TIMD4: variants seen among roughly 807,000 people sequenced by gnomAD.
TIMD4 encodes T cell immunoglobulin and mucin domain containing 4, also known as T-cell immunoglobulin and mucin domain-containing protein 4.
Under a neutral mutation model 41.2 loss-of-function variants are expected in TIMD4, and 31 were observed. That is an observed-to-expected ratio of 0.75 (90% CI 0.57 to 1.01). The LOEUF is 1.01. Ranked by LOEUF, TIMD4 falls within the 50% of genes least tolerant of loss-of-function variation. The probability of loss-of-function intolerance (pLI) is 0.00; values close to 1 mark genes in which losing one functional copy is unlikely to be tolerated. For synonymous variants in TIMD4, 204 were observed against 177.1 expected (o/e 1.15, Z -1.21); for missense variants, 479 against 472.5 (o/e 1.01, Z -0.13).
intron 7 of TIMD4, among the ~76,000 whole-genome samples, chr5:156,921,616 C>CCAAA (rs1561542964): frequency 2.1e-5 from 1 of 47,250 alleles, no homozygotes; most frequent in Non-Finnish European, 4.0e-5. Context: ...GAGACTCTCT[C>CCAAA]AAAAAAAAAA....
rs1295795830 is a variant in TIMD4 at position 156,948,427 on chromosome 5, G to A, written c.833C>T (p.Pro278Leu). The A allele has an allele frequency of 6.7e-7, 1 of 1,493,710 alleles. No individual in the cohort carries two copies. Among genetic ancestry groups the A allele is most frequent in the Admixed American group, 2.0e-5 (1 of 50,316 alleles). The allele number at this position is 1,493,710 out of a possible 1,614,324, so 92.5% of individuals were successfully genotyped here. The change falls in exon 5 of 9, where the codon CCT becomes CTT. Residue 278 changes from proline (P) to leucine (L), a missense_variant. Coordinates refer to ENST00000274532, the MANE Select transcript of TIMD4 (RefSeq NM_138379.3). ...CACAGCCCCCCTACCTCCAGGCTGA[G>A]GAGAAGACACAGAATCACTCGTTTT... Reference protein sequence around the residue: ...MWKTSDSVSSPQPGASDTAVP... With the variant: ...MWKTSDSVSSLQPGASDTAVP...
chr5:156,919,767 A>G (rs181953334), intron 8 of TIMD4, among the ~76,000 whole-genome samples: 1 of 152,258 alleles, frequency 6.6e-6, no homozygotes, highest in East Asian at 1.9e-4. Flanking sequence ...CAAAATATAA[A>G]ATCATGATTT....
At chr5:156,925,127 A>T (rs1026067499) in intron 6 of TIMD4, among the ~76,000 whole-genome samples, 1 of 152,152 alleles carries the variant, frequency 6.6e-6, no homozygotes, top group Non-Finnish European at 1.5e-5. Flanking sequence ...TGGCCAACAT[A>T]ATGAAACCAC....
At chr5:156,943,637 G>A (rs1759685771) in intron 5 of TIMD4, among the ~76,000 whole-genome samples, 1 of 152,148 alleles carries the variant, frequency 6.6e-6, no homozygotes, top group African/African-American at 2.4e-5. Flanking sequence ...ATTTTATTTA[G>A]GAAATGGCAT....
intron 1 of TIMD4, among the ~76,000 whole-genome samples, chr5:156,956,489 C>A (rs181082784): frequency 8.5e-5 from 13 of 152,292 alleles, no homozygotes; most frequent in Admixed American, 7.8e-4. Context: ...TTGCCCAAAC[C>A]TGAGCCTGAA....
intron 5 of TIMD4, among the ~76,000 whole-genome samples, chr5:156,942,977 A>G (rs1759673710): frequency 6.6e-6 from 1 of 152,256 alleles, no homozygotes; most frequent in South Asian, 2.1e-4. Context: ...TTATTCTAAT[A>G]CTGAGAATTA....
Position 156,949,653 on chromosome 5 carries a change from T to G in TIMD4, c.758A>C (p.Lys253Thr), listed in dbSNP as rs1169631976. The change falls in exon 4 of 9, where the codon AAA becomes ACA. Residue 253 changes from lysine to threonine, a missense_variant and splice_region_variant. Physicochemically the swap from Lys to Thr is moderately conservative, Grantham distance 78 (BLOSUM62 -1). Coordinates refer to ENST00000274532, the MANE Select transcript of TIMD4 (RefSeq NM_138379.3). ...AGAGAGAGTGAGTGTCTGCACACCT[T>G]TGGATGTCAGCAGGACAGTGTCAGC... ...TSADTVLLTS[K>T]ESKVWDLPST... is the part of the protein sequence containing the mutation. The G allele has an allele frequency of 5.0e-6, 8 of 1,610,482 alleles. No individual in the cohort carries two copies. The highest frequency in any genetic ancestry group is 6.8e-6 in the Non-Finnish European group (8 of 1,176,964).
intron 6 of TIMD4, chr5:156,924,157 C>A: frequency 2.4e-6 from 1 of 420,892 alleles, no homozygotes; most frequent in East Asian, 6.1e-5. Context: ...GGCTGACCAG[C>A]CTGAGCCTAC....
At chr5:156,945,197 G>C (rs1759718374) in intron 5 of TIMD4, among the ~76,000 whole-genome samples, 1 of 152,200 alleles carries the variant, frequency 6.6e-6, no homozygotes, top group Non-Finnish European at 1.5e-5. Context: ...GAGTGGCACG[G>C]TGTTAGAGTG....
At chr5:156,958,393 C>A (rs1760020585) in intron 1 of TIMD4, among the ~76,000 whole-genome samples, 1 of 142,752 alleles carries the variant, frequency 7.0e-6, no homozygotes, top group African/African-American at 2.6e-5. Context: ...GGAAAGGATC[C>A]AATAGAGAAA....
intron 6 of TIMD4, chr5:156,924,151 G>A: frequency 7.5e-6 from 3 of 400,176 alleles, no homozygotes; most frequent in Non-Finnish European, 9.6e-6. Context: ...CCATGGGGCT[G>A]ACCAGCCTGA....
intron 7 of TIMD4, among the ~76,000 whole-genome samples, chr5:156,921,616 C>CAAAAAAAAAAAAAAAAAAAAAAAAA (rs66842169): frequency 4.2e-5 from 2 of 47,270 alleles, no homozygotes; most frequent in African/African-American, 7.2e-5. Context: ...GAGACTCTCT[C>CAAAAAAAAAAAAAAAAAAAAAAAAA]AAAAAAAAAA....
chr5:156,948,101 G>A (rs750642823), intron 5 of TIMD4, among the ~76,000 whole-genome samples: 30 of 152,094 alleles, frequency 2.0e-4, no homozygotes, highest in East Asian at 3.8e-4. Flanking sequence ...TCCAGCTGGC[G>A]GGAGGATGTG....
rs1327345818 is a variant in TIMD4, at chr5:156,951,789, G to A, written c.402C>T (p.Ala134=). ...KINVRLNLQR[A]STTTHRTATT... is the part of the protein sequence containing the mutation. ...TTGCTGTTCTGTGCGTGGTTGTTGA[G>A]GCTGTAACCAACAACAGACATGTTT... The change falls in exon 3 of 9, where the codon GCC becomes GCT. Residue 134 remains alanine, a splice_region_variant and synonymous_variant. Transcript: ENST00000274532. 6.2e-7 allele frequency: 1 copy of A among 1,613,832 alleles called. No homozygotes were observed. The highest frequency in any genetic ancestry group is 8.5e-7 in the Non-Finnish European group (1 of 1,179,864).
intron 8 of TIMD4, 41 bp from the exon 9 acceptor site, chr5:156,919,582 A>G (rs1307768342): frequency 1.4e-5 from 21 of 1,542,770 alleles, no homozygotes; most frequent in East Asian, 2.2e-5. Context: ...GAAACACAAG[A>G]CTAGAAAACA....
intron 1 of TIMD4, among the ~76,000 whole-genome samples, chr5:156,959,409 CA>C (rs1447075474): frequency 6.6e-6 from 1 of 151,980 alleles, no homozygotes; most frequent in Non-Finnish European, 1.5e-5. Flanking sequence ...GTGAAATTAA[CA>C]AAGTATTAAT....
At chr5:156,937,099 T>G (rs779483320) in intron 5 of TIMD4, among the ~76,000 whole-genome samples, 15 of 152,144 alleles carry the variant, frequency 9.9e-5, no homozygotes, top group Non-Finnish European at 1.9e-4. Flanking sequence ...ATTATCTCAT[T>G]GGAGCTTTAA....
chr5:156,951,492 C>T lies in TIMD4; in HGVS notation c.679+20G>A. On this transcript the variant is annotated intron_variant, in intron 3 of 8. Coordinates refer to ENST00000274532, the MANE Select transcript of TIMD4 (RefSeq NM_138379.3). ...AGTGAGACAGCACTGTTCTAAGAAA[C>T]CCAAGATACATCTGCGTACCTGCAG... The T allele has an allele frequency of 6.2e-7, 1 of 1,613,434 alleles. No homozygotes were observed. Among genetic ancestry groups the T allele is most frequent in the Non-Finnish European group, 8.5e-7 (1 of 1,179,644 alleles).
chr5:156,923,841 G>C (rs1248913881), intron 6 of TIMD4, among the ~76,000 whole-genome samples: 1 of 151,726 alleles, frequency 6.6e-6, no homozygotes, highest in African/African-American at 2.4e-5. Flanking sequence ...CAAGACCCAG[G>C]CTGTTATTTT....
Sources: allele counts gnomAD v4.1 joint callset (sites outside exome capture counted in the v4.1 genomes callset), GRCh38; gene constraint gnomAD v4.1.1; transcripts MANE v1.5; gene names NCBI Gene and HGNC (gene_info 2026-07-23, HGNC 2026-07-21).